The following SLC44A5 variants were observed in gnomAD, a reference collection of about 807,000 sequenced individuals.
The protein encoded by SLC44A5 is choline transporter-like protein 5.
In SLC44A5, 57 loss-of-function variants were observed where a neutral mutation model predicts 101.8. The observed-to-expected ratio is 0.56, with a 90% CI of 0.45 to 0.70. The LOEUF is 0.70. SLC44A5 is among the 30% of genes least tolerant of loss of function. The pLI is 0.00. For synonymous variants in SLC44A5, 281 were observed against 290.9 expected (o/e 0.97, Z 0.35); for missense variants, 737 against 853.1 (o/e 0.86, Z 1.70).
intron 19 of SLC44A5, among the ~76,000 whole-genome samples, chr1:75,215,553 A>G (rs548761535): frequency 8.5e-5 from 13 of 152,204 alleles, no homozygotes; most frequent in South Asian, 2.1e-4. Context: ...AAGATATTGA[A>G]GGTAATAATA....
intron 1 of SLC44A5, among the ~76,000 whole-genome samples, chr1:75,592,565 A>T (rs407954): frequency 2.6e-5 from 4 of 151,954 alleles, no homozygotes; most frequent in Non-Finnish European, 5.9e-5. Context: ...TAACAAAACT[A>T]GAGGAATCAC....
the SLC44A5 span, among the ~76,000 whole-genome samples, chr1:75,654,016 T>C: frequency 6.6e-6 from 1 of 152,240 alleles, no homozygotes; most frequent in South Asian, 2.1e-4. Context: ...ACTCAAGGAC[T>C]ATCTAACCAT....
the SLC44A5 span, among the ~76,000 whole-genome samples, chr1:75,717,186 G>A: frequency 9.2e-5 from 14 of 151,478 alleles, no homozygotes; most frequent in Non-Finnish European, 1.8e-4. Flanking sequence ...AACAGAAAAC[G>A]AAATATTGGC....
chr1:75,622,812 C>T, the SLC44A5 span, among the ~76,000 whole-genome samples: 1 of 152,142 alleles, frequency 6.6e-6, no homozygotes, highest in African/African-American at 2.4e-5. Flanking sequence ...AATCAATTTA[C>T]CTCCAAAGTG....
chr1:75,214,030 A>C (rs1646913091), intron 20 of SLC44A5, 41 bp from the exon 21 acceptor site: 2 of 1,271,718 alleles, frequency 1.6e-6, no homozygotes, highest in Non-Finnish European at 2.2e-6. Flanking sequence ...CTGTGTTTAA[A>C]ATATACTTGG....
At chr1:75,416,048 A>G (rs1663621826) in intron 2 of SLC44A5, among the ~76,000 whole-genome samples, 1 of 152,232 alleles carries the variant, frequency 6.6e-6, no homozygotes, top group African/African-American at 2.4e-5. Context: ...AGCTGCAGAA[A>G]TTAGCATAAG....
the SLC44A5 span, among the ~76,000 whole-genome samples, chr1:75,687,262 G>C: frequency 6.6e-6 from 1 of 152,124 alleles, no homozygotes; most frequent in East Asian, 1.9e-4. Flanking sequence ...TATCTCATGT[G>C]AAAGTGAATG....
intron 3 of SLC44A5, among the ~76,000 whole-genome samples, chr1:75,367,734 G>A (rs1196715648): frequency 6.6e-6 from 1 of 152,176 alleles, no homozygotes; most frequent in Non-Finnish European, 1.5e-5. Flanking sequence ...CAGGTTTGTA[G>A]CCAAGGTCAC....
At chr1:75,421,875 A>G (rs1351433690) in intron 2 of SLC44A5, among the ~76,000 whole-genome samples, 1 of 148,946 alleles carries the variant, frequency 6.7e-6, no homozygotes, top group Non-Finnish European at 1.5e-5. Flanking sequence ...ACTTTTTTGA[A>G]AAAAAAAAAA....
At chr1:75,475,743 AG>A (rs1436308919) in intron 2 of SLC44A5, among the ~76,000 whole-genome samples, 1 of 152,254 alleles carries the variant, frequency 6.6e-6, no homozygotes. Flanking sequence ...GAAGCAATAT[AG>A]TATATGTGTT....
chr1:75,442,790 A>C (rs543862185), intron 2 of SLC44A5, among the ~76,000 whole-genome samples: 1 of 152,118 alleles, frequency 6.6e-6, no homozygotes, highest in Non-Finnish European at 1.5e-5. Flanking sequence ...TTCTTGAATA[A>C]AGTTTCTTGA....
intron 3 of SLC44A5, chr1:75,354,014 C>T: frequency 2.9e-6 from 1 of 349,758 alleles, no homozygotes; most frequent in South Asian, 2.3e-5. Flanking sequence ...TAACACATGA[C>T]CTTTCACTCA....
chr1:75,449,318 C>T (rs1185907734), intron 2 of SLC44A5, among the ~76,000 whole-genome samples: 1 of 152,210 alleles, frequency 6.6e-6, no homozygotes, highest in Non-Finnish European at 1.5e-5. Flanking sequence ...TTTAGACATT[C>T]ATGAGACTGG....
intron 1 of SLC44A5, among the ~76,000 whole-genome samples, chr1:75,566,857 T>A (rs1449346101): frequency 6.6e-6 from 1 of 152,202 alleles, no homozygotes; most frequent in Non-Finnish European, 1.5e-5. Context: ...TTCTGTAGCA[T>A]ACGTATTATC....
At chr1:75,691,067 C>T in the SLC44A5 span, among the ~76,000 whole-genome samples, 3 of 152,152 alleles carry the variant, frequency 2.0e-5, no homozygotes, top group African/African-American at 7.2e-5. Flanking sequence ...CACATGCACC[C>T]CCCCCTTTCT....
chr1:75,305,799 A>G (rs1041322608), intron 4 of SLC44A5, among the ~76,000 whole-genome samples: 16 of 151,352 alleles, frequency 1.1e-4, no homozygotes, highest in Admixed American at 2.0e-4. Context: ...ATTCTATACT[A>G]AAATCCTATC....
intron 4 of SLC44A5, among the ~76,000 whole-genome samples, chr1:75,307,592 AT>A (rs925470298): frequency 6.6e-6 from 1 of 152,088 alleles, no homozygotes; most frequent in Non-Finnish European, 1.5e-5. Context: ...AGTTAAAAAT[AT>A]TTTCCCTTTT....
rs371840430 is a variant in SLC44A5, at chr1:75,352,164, T to G, written c.53-12534A>C. On this transcript the variant is annotated intron_variant, in intron 3 of 23. Transcript: ENST00000370859. ...AAATTCTGTGTTTTAAGATACTTTCTGTGCTTTATGTTGTCTTCTTTGTCT... is the reference window on the plus strand; with the variant it reads ...AAATTCTGTGTTTTAAGATACTTTCGGTGCTTTATGTTGTCTTCTTTGTCT... Among the ~76,000 whole-genome samples the G allele has an allele frequency of 5.9e-5, 9 of 152,168 alleles. No homozygotes were observed. The East Asian group carries it at 1.4e-3, about 23-fold the overall frequency.
chr1:75,395,958 G>A (rs1314931029), intron 3 of SLC44A5, among the ~76,000 whole-genome samples: 1 of 152,068 alleles, frequency 6.6e-6, no homozygotes, highest in Non-Finnish European at 1.5e-5. Flanking sequence ...ATTGCACAAA[G>A]GAAGAGAAAT....
Sources: gnomAD v4.1 joint callset for allele counts (sites outside exome capture counted in the v4.1 genomes callset) on GRCh38, gnomAD v4.1.1 for gene constraint, MANE v1.5 for transcripts, NCBI Gene and HGNC (gene_info 2026-07-23, HGNC 2026-07-21) for gene names.